Variants in SIN3A observed in about 807,000 individuals in gnomAD.
SIN3A encodes the protein SIN3 transcription regulator family member A.
In SIN3A, 14 loss-of-function variants were observed where a neutral mutation model predicts 146.1. The ratio of observed to expected loss-of-function variants is 0.10; its 90% CI spans 0.06 to 0.15. The LOEUF (loss-of-function observed/expected upper bound fraction) is 0.15, where lower values mean the gene tolerates loss of function less well. SIN3A is among the 10% of genes least tolerant of loss of function. The pLI, the probability that SIN3A is intolerant of heterozygous loss-of-function variation, is 1.00. For missense variants in SIN3A, 1,028 were observed against 1,576.0 expected, an observed-to-expected ratio of 0.65 and a Z score of 5.89; for synonymous variants, 572 against 572.0, an observed-to-expected ratio of 1.00 and a Z score of 0.00.
chr15:75,413,121 T>A, intron 4 of SIN3A, 76 bp from the exon 5 acceptor site: 1 of 1,465,898 alleles, frequency 6.8e-7, no homozygotes, highest in South Asian at 1.3e-5. Flanking sequence ...TTCATGTTTT[T>A]TTTTCTTTTG....
chr15:75,401,904 G>T lies in SIN3A; in HGVS notation c.1474C>A (p.Gln492Lys), dbSNP rs1431278867. The change falls in exon 10 of 21, where the codon CAG becomes AAG. Residue 492 changes from glutamine (Q) to lysine (K), a missense_variant. Gln to Lys is a moderately conservative substitution (Grantham distance 53, BLOSUM62 1). Coordinates refer to ENST00000394947, the MANE Select transcript of SIN3A (RefSeq NM_001145358.2). ...NFLRCLVIFN[Q>K]EVISRAELVQ... ...AGCTCAGCACGAGAGATCACCTCCT[G>T]GTTAAAAATAACAAGACAGCGTAGG... 4.3e-6 allele frequency: 7 copies of T among 1,613,940 alleles called. No homozygotes were observed. The highest frequency in any genetic ancestry group is 5.1e-6 in the Non-Finnish European group (6 of 1,179,856).
intron 5 of SIN3A, 61 bp downstream of exon 5, chr15:75,412,702 T>A (rs1462378948): frequency 2.8e-6 from 4 of 1,440,670 alleles, no homozygotes; most frequent in Non-Finnish European, 3.7e-6. Flanking sequence ...AGGGGAAACA[T>A]CAAAGGAAGG....
intron 2 of SIN3A, among the ~76,000 whole-genome samples, chr15:75,423,104 A>G (rs1211069142): frequency 6.6e-6 from 1 of 151,878 alleles, no homozygotes; most frequent in Non-Finnish European, 1.5e-5. Flanking sequence ...ACATAGTGAC[A>G]CCCATCTCCA....
Position 75,400,164 on chromosome 15 carries a change from TAGA to T in SIN3A, c.1738-11_1738-9del, listed in dbSNP as rs747383454. On this transcript the variant is annotated splice_polypyrimidine_tract_variant and intron_variant, in intron 11 of 20. Transcript: ENST00000394947. ...CCAGGTATCATTTAAAACCTTTGGG[TAGA>T]AGAAGAGAGACTGAAACAAAAGCCT... The T allele has an allele frequency of 2.7e-5, 40 of 1,502,898 alleles. No individual in the cohort carries two copies. Among genetic ancestry groups the T allele is most frequent in the South Asian group, 6.8e-5 (6 of 87,966 alleles). 93.1% of individuals were successfully genotyped at this position (1,502,898 alleles called of 1,614,324 possible).
intron 1 of SIN3A, among the ~76,000 whole-genome samples, chr15:75,438,113 C>A (rs1193418342): frequency 6.6e-6 from 1 of 152,202 alleles, no homozygotes; most frequent in Non-Finnish European, 1.5e-5. Flanking sequence ...GTAATCCTAG[C>A]ACTGTGGGAG....
chr15:75,436,468 A>G (rs1237341525), intron 1 of SIN3A: 2 of 152,130 alleles, frequency 1.3e-5, no homozygotes, highest in African/African-American at 2.4e-5. Flanking sequence ...AAAATGCTAT[A>G]AACAATATTA....
Position 75,407,085 on chromosome 15 carries a change from A to C in SIN3A, c.1377T>G (p.Gly459=). Residue 459 remains glycine (G), a synonymous_variant, in exon 9 of 21, where the codon GGT becomes GGG. Transcript: ENST00000394947. ...CAAAAAATAACGATTCTGTTCCACC[A>C]CCATGTTTGCTGGCATCTGCCATAG... is the stretch of plus-strand genomic sequence containing the variant. The part of the protein sequence containing the change: ...DSSMADASKH[G]GGTESLFFDK... The C allele has an allele frequency of 6.2e-7, 1 of 1,613,048 alleles. No homozygotes were observed. The highest frequency in any genetic ancestry group is 8.5e-7 in the Non-Finnish European group (1 of 1,179,456).
intron 1 of SIN3A, among the ~76,000 whole-genome samples, chr15:75,449,051 G>A (rs574720141): frequency 6.6e-6 from 1 of 152,160 alleles, no homozygotes; most frequent in Non-Finnish European, 1.5e-5. Flanking sequence ...GTTCTTACTT[G>A]AATCCTTATA....
rs574336480 is a variant in SIN3A, at chr15:75,389,501, C to G, written c.3021+151G>C. ...CTGCAACTTTGTTAACATGAGAAAT[C>G]AGGCATCACATTAACCTCCCCTCCT... On this transcript the variant is annotated intron_variant, in intron 16 of 20. Coordinates refer to ENST00000394947, the MANE Select transcript of SIN3A (RefSeq NM_001145358.2). 49 of 706,284 alleles carry G rather than the reference C, an allele frequency of 6.9e-5. No homozygotes were observed. The Admixed American group carries it at 9.2e-4, about 13-fold the overall frequency. The allele number at this position is 706,284 out of a possible 1,614,324, so 43.8% of individuals were successfully genotyped here. A position where few individuals can be genotyped will look rare whatever the true frequency, so the allele number is the denominator to read the frequency against.
chr15:75,392,855 T>A, intron 14 of SIN3A, 40 bp from the exon 15 acceptor site: 1 of 1,406,362 alleles, frequency 7.1e-7, no homozygotes, highest in Non-Finnish European at 9.8e-7. Flanking sequence ...GTGAGATGTC[T>A]ACAGCGACAA....
chr15:75,406,497 C>T (rs2073518459), intron 9 of SIN3A, among the ~76,000 whole-genome samples: 1 of 152,188 alleles, frequency 6.6e-6, no homozygotes, highest in African/African-American at 2.4e-5. Flanking sequence ...ACCATCCTGG[C>T]TAACACGGTG....
intron 1 of SIN3A, among the ~76,000 whole-genome samples, chr15:75,449,265 C>G (rs1008152253): frequency 6.6e-6 from 1 of 152,218 alleles, no homozygotes; most frequent in Non-Finnish European, 1.5e-5. Context: ...TTGCAACTTC[C>G]TTAGCAGAGA....
At chr15:75,437,648 T>C (rs902262060) in intron 1 of SIN3A, among the ~76,000 whole-genome samples, 6 of 152,116 alleles carry the variant, frequency 3.9e-5, no homozygotes, top group Admixed American at 3.3e-4. Flanking sequence ...AATTCTAGAA[T>C]ATAAAGAAAG....
chr15:75,409,087 CCA>C (rs1404472314), intron 8 of SIN3A, among the ~76,000 whole-genome samples: 1 of 152,034 alleles, frequency 6.6e-6, no homozygotes, highest in Non-Finnish European at 1.5e-5. Flanking sequence ...GCCTGTAGTC[CCA>C]GTTACTCAGG....
At chr15:75,390,630 T>C (rs1175113111) in intron 15 of SIN3A, among the ~76,000 whole-genome samples, 3 of 152,264 alleles carry the variant, frequency 2.0e-5, no homozygotes, top group Non-Finnish European at 2.9e-5. Context: ...GGACTGGTTA[T>C]CAGAGTACTG....
chr15:75,385,209 C>A (rs2073055748), intron 16 of SIN3A, among the ~76,000 whole-genome samples: 1 of 152,108 alleles, frequency 6.6e-6, no homozygotes, highest in Non-Finnish European at 1.5e-5. Flanking sequence ...TGTCTATATT[C>A]CCAGGCCAAC....
chr15:75,432,492 G>C (rs746079256), intron 1 of SIN3A, among the ~76,000 whole-genome samples: 1 of 151,754 alleles, frequency 6.6e-6, no homozygotes, highest in Non-Finnish European at 1.5e-5. Flanking sequence ...TTTGGGACCA[G>C]CCTGGCCAAC....
chr15:75,417,730 T>A (rs1435361115), intron 3 of SIN3A, among the ~76,000 whole-genome samples: 1 of 152,202 alleles, frequency 6.6e-6, no homozygotes, highest in African/African-American at 2.4e-5. Flanking sequence ...TACATTCAAG[T>A]CAATCATTAA....
chr15:75,443,931 T>G (rs1052955823), intron 1 of SIN3A, among the ~76,000 whole-genome samples: 5 of 152,336 alleles, frequency 3.3e-5, no homozygotes, highest in East Asian at 3.9e-4. Flanking sequence ...AGTGTAAAAC[T>G]AATGATTTAT....
Sources: gnomAD v4.1 joint callset for allele counts (sites outside exome capture counted in the v4.1 genomes callset) on GRCh38, gnomAD v4.1.1 for gene constraint, MANE v1.5 for transcripts, NCBI Gene and HGNC (gene_info 2026-07-23, HGNC 2026-07-21) for gene names.